DLG2: variants seen among roughly 807,000 people sequenced by gnomAD.
DLG2 encodes the protein disks large homolog 2.
A neutral mutation model predicts 132.5 loss-of-function variants in DLG2; 45 were observed. The observed-to-expected ratio is 0.34, with a 90% CI of 0.27 to 0.44. DLG2 has a LOEUF of 0.44. Among genes scored for constraint, DLG2 ranks in the 20% least tolerant of loss-of-function variants. The pLI, the probability that DLG2 is intolerant of heterozygous loss-of-function variation, is 1.00. For missense variants in DLG2, 1,045 were observed against 1,196.9 expected (o/e 0.87, Z 1.87); for synonymous variants, 424 against 419.6 (o/e 1.01, Z -0.13).
chr11:85,007,479 T>A (rs1273202368), intron 6 of DLG2, among the ~76,000 whole-genome samples: 10 of 150,518 alleles, frequency 6.6e-5, no homozygotes, highest in African/African-American at 2.4e-4. Context: ...GCTAACACGG[T>A]GAAACCCCAT....
At chr11:84,774,847 G>C (rs1021174944) in intron 6 of DLG2, among the ~76,000 whole-genome samples, 1 of 151,972 alleles carries the variant, frequency 6.6e-6, no homozygotes, top group Admixed American at 6.6e-5. Flanking sequence ...TAAAACATAG[G>C]AAGCACCATT....
At chr11:85,602,273 TC>T (rs1248104588) in intron 2 of DLG2, among the ~76,000 whole-genome samples, 1 of 152,160 alleles carries the variant, frequency 6.6e-6, no homozygotes, top group Non-Finnish European at 1.5e-5. Context: ...CCATCACTTC[TC>T]CCTACCTCCA....
intron 3 of DLG2, among the ~76,000 whole-genome samples, chr11:85,320,747 G>A (rs183062974): frequency 1.3e-5 from 2 of 151,888 alleles, no homozygotes; most frequent in African/African-American, 2.4e-5. Context: ...TGTAGGAAAA[G>A]GGAACAGAGG....
intron 8 of DLG2, among the ~76,000 whole-genome samples, chr11:84,191,021 CA>C (rs1391925401): frequency 2.6e-5 from 4 of 151,930 alleles, no homozygotes; most frequent in Non-Finnish European, 5.9e-5. Flanking sequence ...AACATCAGTT[CA>C]AAAAAATGGG....
chr11:84,277,296 G>T (rs1042596675), intron 7 of DLG2, among the ~76,000 whole-genome samples: 3 of 152,112 alleles, frequency 2.0e-5, no homozygotes, highest in Non-Finnish European at 4.4e-5. Flanking sequence ...TGCTCAAATA[G>T]TATTTACCAA....
chr11:85,233,422 C>T (rs886654104), intron 4 of DLG2, among the ~76,000 whole-genome samples: 1 of 151,862 alleles, frequency 6.6e-6, no homozygotes, highest in Non-Finnish European at 1.5e-5. Context: ...CAGAGTCAGC[C>T]TCACTGTTTA....
chr11:85,015,159 T>C (rs1176909707), intron 6 of DLG2, among the ~76,000 whole-genome samples: 1 of 152,204 alleles, frequency 6.6e-6, no homozygotes, highest in East Asian at 1.9e-4. Context: ...GTGCAATTGA[T>C]GTGGCTTTTC....
intron 20 of DLG2, among the ~76,000 whole-genome samples, chr11:83,536,463 C>T (rs1014072280): frequency 4.6e-5 from 7 of 152,038 alleles, no homozygotes; most frequent in Non-Finnish European, 1.0e-4. Context: ...CCTCATCTGC[C>T]TCAGCCCTTT....
At chr11:85,577,624 G>T (rs903011612) in intron 3 of DLG2, among the ~76,000 whole-genome samples, 1 of 152,080 alleles carries the variant, frequency 6.6e-6, no homozygotes, top group Non-Finnish European at 1.5e-5. Flanking sequence ...CAGGGATACA[G>T]ATATAAATTT....
chr11:85,484,127 C>T (rs1264949056), intron 3 of DLG2, among the ~76,000 whole-genome samples: 2 of 151,550 alleles, frequency 1.3e-5, no homozygotes, highest in South Asian at 2.1e-4. Context: ...GGCGTGAAAC[C>T]GTTAAGAGGT....
chr11:84,861,106 A>G (rs2083554033), intron 6 of DLG2, among the ~76,000 whole-genome samples: 1 of 152,164 alleles, frequency 6.6e-6, no homozygotes. Flanking sequence ...ACTTGGTAAC[A>G]GCACAGGCTG....
chr11:84,394,468 C>T (rs2098804215), intron 7 of DLG2, among the ~76,000 whole-genome samples: 1 of 151,968 alleles, frequency 6.6e-6, no homozygotes, highest in Admixed American at 6.6e-5. Context: ...TCCCTCTCAG[C>T]CACCTTACCA....
At chr11:83,952,789 A>G (rs1046087193) in intron 14 of DLG2, among the ~76,000 whole-genome samples, 2 of 152,168 alleles carry the variant, frequency 1.3e-5, no homozygotes, top group African/African-American at 4.8e-5. Context: ...TCAAGTAATT[A>G]TCTCTCTGTG....
intron 11 of DLG2, among the ~76,000 whole-genome samples, chr11:84,028,474 G>A (rs899298167): frequency 7.1e-6 from 1 of 140,750 alleles, no homozygotes; most frequent in Non-Finnish European, 1.6e-5. Flanking sequence ...CTTGAACCAT[G>A]AAATAATTTT....
intron 8 of DLG2, among the ~76,000 whole-genome samples, chr11:84,211,607 C>T (rs1218504973): frequency 1.3e-5 from 2 of 151,912 alleles, no homozygotes; most frequent in Non-Finnish European, 2.9e-5. Context: ...AAATGCATGC[C>T]CACTTCCCAA....
chr11:84,516,909 T>G (rs535602498), intron 7 of DLG2, among the ~76,000 whole-genome samples: 2 of 150,130 alleles, frequency 1.3e-5, no homozygotes, highest in Non-Finnish European at 3.0e-5. Flanking sequence ...CTTATTACTG[T>G]GATCATGACT....
chr11:84,390,198 C>A (rs1458371736), intron 7 of DLG2, among the ~76,000 whole-genome samples: 1 of 152,106 alleles, frequency 6.6e-6, no homozygotes, highest in Non-Finnish European at 1.5e-5. Context: ...GAAGATTAAA[C>A]CTTAAAACTA....
At chr11:84,591,547 G>C (rs1022148679) in intron 6 of DLG2, among the ~76,000 whole-genome samples, 32 of 151,902 alleles carry the variant, frequency 2.1e-4, no homozygotes, top group Non-Finnish European at 4.0e-4. Context: ...TGTAATCTCA[G>C]CTACTGGGGA....
chr11:85,414,981 G>A (rs1214519779), intron 3 of DLG2, among the ~76,000 whole-genome samples: 2 of 152,092 alleles, frequency 1.3e-5, no homozygotes, highest in African/African-American at 2.4e-5. Flanking sequence ...ATCTACATGA[G>A]GTATTTCTCT....
Sources: gnomAD v4.1 joint callset for allele counts (sites outside exome capture counted in the v4.1 genomes callset) on GRCh38, gnomAD v4.1.1 for gene constraint, MANE v1.5 for transcripts, NCBI Gene and HGNC (gene_info 2026-07-23, HGNC 2026-07-21) for gene names.